UBE3D: variants seen among roughly 807,000 people sequenced by gnomAD.
The protein encoded by UBE3D is ubiquitin protein ligase E3D.
Under a neutral mutation model 49.6 loss-of-function variants are expected in UBE3D, and 48 were observed. That is an observed-to-expected ratio of 0.97 (90% CI 0.77 to 1.23). UBE3D has a LOEUF of 1.23. Ranked by LOEUF, UBE3D falls within the 50% of genes most tolerant of loss-of-function variation. UBE3D has a pLI of 0.00. For synonymous variants in UBE3D, 189 were observed against 174.2 expected (o/e 1.08, Z -0.67); for missense variants, 452 against 468.4 (o/e 0.96, Z 0.32).
downstream of UBE3D, among the ~76,000 whole-genome samples, chr6:82,888,885 TCTTA>T (rs1770934634): frequency 6.6e-6 from 1 of 152,250 alleles, no homozygotes; most frequent in Non-Finnish European, 1.5e-5. Context: ...ATTAACTCCC[TCTTA>T]CTTTTTCTCC....
the UBE3D span, among the ~76,000 whole-genome samples, chr6:82,883,025 A>G: frequency 1.3e-5 from 2 of 152,184 alleles, no homozygotes; most frequent in African/African-American, 4.8e-5. Context: ...AGGTCAAGAA[A>G]CAGTCAGGAC....
intron 9 of UBE3D, among the ~76,000 whole-genome samples, chr6:82,900,710 T>C (rs182380415): frequency 1.2e-3 from 176 of 152,300 alleles, no homozygotes; most frequent in African/African-American, 3.8e-3. Flanking sequence ...ATTGAGATAC[T>C]TAACGAGTGG....
rs547318101 is a variant in UBE3D, at chr6:82,953,151, C to A, written c.1149+4161G>T. The stretch of plus-strand genomic sequence containing the variant: ...ACAGAGTGAAATAAACTAGCAACGG[C>A]AATGACGTCAACAGGCTGCAACTTG... On this transcript the variant is annotated intron_variant, in intron 9 of 9. Transcript: ENST00000369747. 2.4e-3 allele frequency among the ~76,000 whole-genome samples: 371 copies of A among 152,334 alleles called. 1 individual carries two copies. Among genetic ancestry groups the A allele is most frequent in the Non-Finnish European group, 4.0e-3 (270 of 68,042 alleles).
At chr6:82,966,432 C>CTT (rs1776928394) in intron 8 of UBE3D, among the ~76,000 whole-genome samples, 1 of 72,588 alleles carries the variant, frequency 1.4e-5, no homozygotes, top group African/African-American at 7.7e-5. Flanking sequence ...GGGCGGATCA[C>CTT]GAGGTCAGGA....
intron 8 of UBE3D, among the ~76,000 whole-genome samples, chr6:82,970,601 AG>A (rs1212548217): frequency 6.6e-6 from 1 of 152,152 alleles, no homozygotes; most frequent in Non-Finnish European, 1.5e-5. Flanking sequence ...GCACTTTGGG[AG>A]GTCGAGGCGG....
Position 83,065,792 on chromosome 6 carries a change from T to G in UBE3D, c.-74A>C. On this transcript the variant is annotated 5_prime_UTR_variant, in exon 1 of 10. Transcript: ENST00000369747. ...CCGGGTCAACAGGACCAGGAGAGGT[T>G]CCACGTGCGGACCAACCAGCGGCAG... 1 of 1,467,278 alleles carries G rather than the reference T, an allele frequency of 6.8e-7. No homozygotes were observed. Among genetic ancestry groups the G allele is most frequent in the Non-Finnish European group, 9.3e-7 (1 of 1,073,124 alleles). 90.9% of individuals were successfully genotyped at this position (1,467,278 alleles called of 1,614,324 possible).
At chr6:82,925,714 A>G (rs1418301937) in intron 9 of UBE3D, among the ~76,000 whole-genome samples, 1 of 152,126 alleles carries the variant, frequency 6.6e-6, no homozygotes, top group African/African-American at 2.4e-5. Flanking sequence ...CTTCTGCTCA[A>G]ACTAGCCAGA....
chr6:83,020,465 T>G (rs534314637), intron 7 of UBE3D, among the ~76,000 whole-genome samples: 2 of 151,876 alleles, frequency 1.3e-5, no homozygotes, highest in Non-Finnish European at 2.9e-5. Context: ...GCTCCCTGAA[T>G]AGTATGATAT....
At chr6:82,891,603 T>C (rs1490295647), downstream of UBE3D, among the ~76,000 whole-genome samples, 4 of 152,220 alleles carry the variant, frequency 2.6e-5, no homozygotes, top group Non-Finnish European at 5.9e-5. Context: ...TATGTCAGTC[T>C]ACAAGTTACA....
At chr6:82,936,300 G>C (rs551599404) in intron 9 of UBE3D, among the ~76,000 whole-genome samples, 4 of 152,264 alleles carry the variant, frequency 2.6e-5, no homozygotes, top group African/African-American at 9.6e-5. Context: ...TATTTTAAGT[G>C]CTCTGATTTC....
At chr6:82,961,951 CAA>C (rs151060917) in intron 8 of UBE3D, among the ~76,000 whole-genome samples, 1 of 134,524 alleles carries the variant, frequency 7.4e-6, no homozygotes, top group African/African-American at 2.7e-5. Flanking sequence ...AACAATAAAA[CAA>C]AAAAAAAAAC....
intron 8 of UBE3D, among the ~76,000 whole-genome samples, chr6:82,986,973 C>G (rs1442144226): frequency 6.6e-6 from 1 of 151,792 alleles, no homozygotes; most frequent in East Asian, 1.9e-4. Context: ...AAGACAGAGT[C>G]TTGATCCGTC....
At chr6:83,026,524 T>G (rs1302286970) in intron 5 of UBE3D, among the ~76,000 whole-genome samples, 1 of 152,042 alleles carries the variant, frequency 6.6e-6, no homozygotes, top group African/African-American at 2.4e-5. Flanking sequence ...TTGCTCAATA[T>G]TACACACAGA....
intron 2 of UBE3D, 127 bp downstream of exon 2, chr6:83,057,699 A>G: frequency 1.2e-6 from 1 of 847,398 alleles, no homozygotes; most frequent in South Asian, 1.7e-5. Context: ...TAACTGGCAG[A>G]GCTGACAAAG....
chr6:82,975,011 A>T (rs1777616644), intron 8 of UBE3D, among the ~76,000 whole-genome samples: 1 of 152,162 alleles, frequency 6.6e-6, no homozygotes, highest in Admixed American at 6.5e-5. Context: ...ACAAAAATAC[A>T]ATAATTTATA....
At chr6:82,963,446 G>A (rs1444693671) in intron 8 of UBE3D, among the ~76,000 whole-genome samples, 2 of 152,052 alleles carry the variant, frequency 1.3e-5, no homozygotes, top group Non-Finnish European at 2.9e-5. Flanking sequence ...AGTTTATTAA[G>A]GAGTGTTAAC....
At chr6:82,969,127 TAGAA>T (rs1777157895) in intron 8 of UBE3D, among the ~76,000 whole-genome samples, 1 of 146,266 alleles carries the variant, frequency 6.8e-6, no homozygotes, top group African/African-American at 2.5e-5. Flanking sequence ...CTGTTTTACT[TAGAA>T]AGCCTGAGAG....
At chr6:82,939,733 G>A (rs1774867779) in intron 9 of UBE3D, among the ~76,000 whole-genome samples, 1 of 152,130 alleles carries the variant, frequency 6.6e-6, no homozygotes, top group Non-Finnish European at 1.5e-5. Flanking sequence ...TGCACTCTAT[G>A]ACATTCTCTG....
intron 8 of UBE3D, among the ~76,000 whole-genome samples, chr6:82,957,940 C>G (rs187993041): frequency 6.2e-4 from 95 of 152,244 alleles, no homozygotes; most frequent in African/African-American, 2.1e-3. Flanking sequence ...GTGACAGAAT[C>G]CTTTTGTTAA....
Sources: gnomAD v4.1 joint callset for allele counts (sites outside exome capture counted in the v4.1 genomes callset) on GRCh38, gnomAD v4.1.1 for gene constraint, MANE v1.5 for transcripts, NCBI Gene and HGNC (gene_info 2026-07-23, HGNC 2026-07-21) for gene names.